Variants in CDK12 observed in about 807,000 individuals in gnomAD.
CDK12 encodes cyclin dependent kinase 12.
In CDK12, 17 loss-of-function variants were observed where a neutral mutation model predicts 133.8. The observed-to-expected ratio is 0.13, with a 90% CI of 0.09 to 0.19. CDK12 has a LOEUF of 0.19. CDK12 is among the 10% of genes least tolerant of loss of function. The pLI, the probability that CDK12 is intolerant of heterozygous loss-of-function variation, is 1.00. For missense variants in CDK12, 1,508 were observed against 1,818.7 expected (o/e 0.83, Z 3.11); for synonymous variants, 694 against 683.6 (o/e 1.02, Z -0.24).
chr17:39,465,663 G>GT (rs1246666178), intron 1 of CDK12, among the ~76,000 whole-genome samples: 4 of 151,838 alleles, frequency 2.6e-5, no homozygotes, highest in East Asian at 1.9e-4. Flanking sequence ...TAATTTTTGT[G>GT]TTTTTTTAGT....
At chr17:39,562,129 G>A (rs1333380397) in intron 3 of CDK12, among the ~76,000 whole-genome samples, 2 of 152,024 alleles carry the variant, frequency 1.3e-5, no homozygotes, top group African/African-American at 2.4e-5. Context: ...TAGTAGAGAC[G>A]GGGTTTCACC....
At chr17:39,497,427 T>C (rs1338992116) in intron 5 of CDK12, among the ~76,000 whole-genome samples, 1 of 151,594 alleles carries the variant, frequency 6.6e-6, no homozygotes, top group Admixed American at 6.6e-5. Flanking sequence ...CTTTTAATCC[T>C]GGCTACTGGG....
chr17:39,553,503 G>T (rs1567817550), intron 2 of CDK12, among the ~76,000 whole-genome samples: 2 of 152,138 alleles, frequency 1.3e-5, no homozygotes, highest in African/African-American at 4.8e-5. Context: ...ATGCCGACAG[G>T]GCTGTTTGCC....
At chr17:39,476,099 A>G (rs1003772742) in intron 2 of CDK12, among the ~76,000 whole-genome samples, 18 of 151,682 alleles carry the variant, frequency 1.2e-4, no homozygotes, top group African/African-American at 4.4e-4. Flanking sequence ...AATGTTTAGG[A>G]AACAAAAAGC....
At chr17:39,478,484 G>A (rs1463686308) in intron 2 of CDK12, among the ~76,000 whole-genome samples, 1 of 151,910 alleles carries the variant, frequency 6.6e-6, no homozygotes, top group South Asian at 2.1e-4. Context: ...ATGAGCCAAC[G>A]TGCCCAGCCC....
chr17:39,547,129 ATTTTTT>A (rs34569985), upstream of CDK12, among the ~76,000 whole-genome samples: 479 of 90,618 alleles, frequency 5.3e-3, 6 homozygotes, highest in African/African-American at 0.02. Context: ...GAGTACTAGG[ATTTTTT>A]TTTTTTTTTT....
chr17:39,547,129 ATTTTTTTTT>A (rs34569985), upstream of CDK12, among the ~76,000 whole-genome samples: 1 of 90,610 alleles, frequency 1.1e-5, no homozygotes, highest in Non-Finnish European at 2.1e-5. Flanking sequence ...GAGTACTAGG[ATTTTTTTTT>A]TTTTTTTTTT....
intron 2 of CDK12, chr17:39,551,217 A>C (rs879657826): frequency 2.0e-5 from 3 of 152,166 alleles, no homozygotes; most frequent in Non-Finnish European, 2.9e-5. Flanking sequence ...TTGAAGTCTC[A>C]AGTTTCTATC....
intron 2 of CDK12, 125 bp from the exon 3 acceptor site, chr17:39,490,432 C>G (rs2051496779): frequency 1.7e-6 from 1 of 588,594 alleles, no homozygotes; most frequent in South Asian, 2.7e-5. Flanking sequence ...TGTTATAGTA[C>G]AGGTTTTTTT....
downstream of CDK12, among the ~76,000 whole-genome samples, chr17:39,565,944 A>G (rs944801772): frequency 1.3e-5 from 2 of 152,134 alleles, no homozygotes; most frequent in African/African-American, 4.8e-5. Context: ...ACAATAACCA[A>G]AAAATGAGCA....
chr17:39,545,111 G>A (rs1203763088), upstream of CDK12, among the ~76,000 whole-genome samples: 2 of 152,268 alleles, frequency 1.3e-5, no homozygotes, highest in South Asian at 2.1e-4. Context: ...CTGTGCTAAT[G>A]GATGTTCCTC....
At chr17:39,477,121 A>G (rs1213094171) in intron 2 of CDK12, among the ~76,000 whole-genome samples, 8 of 151,264 alleles carry the variant, frequency 5.3e-5, no homozygotes, top group Non-Finnish European at 1.0e-4. Flanking sequence ...CCAGGGTTCA[A>G]GCGATTCTCC....
At chr17:39,515,517 A>G (rs1180171819) in intron 8 of CDK12, among the ~76,000 whole-genome samples, 2 of 152,224 alleles carry the variant, frequency 1.3e-5, no homozygotes, top group African/African-American at 4.8e-5. Flanking sequence ...TGTCCTTAAT[A>G]GGTGGCAAAA....
intron 2 of CDK12, among the ~76,000 whole-genome samples, chr17:39,484,828 G>C (rs543047315): frequency 1.1e-4 from 17 of 152,168 alleles, no homozygotes; most frequent in African/African-American, 3.9e-4. Context: ...CATTGAATAT[G>C]CTCATCCAGT....
chr17:39,558,065 A>T (rs1195509691), intron 3 of CDK12, among the ~76,000 whole-genome samples: 1 of 152,214 alleles, frequency 6.6e-6, no homozygotes, highest in Non-Finnish European at 1.5e-5. Flanking sequence ...TACTACTTTT[A>T]TGAAGTTAGC....
chr17:39,548,898 C>A, upstream of CDK12: 1 of 152,624 alleles, frequency 6.6e-6, no homozygotes. Flanking sequence ...CTTCCTACCC[C>A]CATGCCTGAG....
intron 9 of CDK12, among the ~76,000 whole-genome samples, chr17:39,517,126 T>C (rs1399180112): frequency 6.6e-6 from 1 of 152,194 alleles, no homozygotes; most frequent in Non-Finnish European, 1.5e-5. Context: ...TAATTACTAC[T>C]AACTGAACAG....
Position 39,471,624 on chromosome 17 carries a change from C to G in CDK12, c.1792C>G (p.Gln598Glu), listed in dbSNP as rs2049803106. 2 of 1,614,184 alleles carry G rather than the reference C, an allele frequency of 1.2e-6. No individual in the cohort carries two copies. The change falls in exon 2 of 14, where the codon CAG becomes GAG. Residue 598 changes from glutamine (Q) to glutamate (E), a missense_variant. By Grantham distance (29) the Gln-to-Glu change is conservative (BLOSUM62 2). Transcript: ENST00000447079. The stretch of plus-strand genomic sequence containing the variant: ...CTCAAAGACATCTGCTGTGTCCTCT[C>G]AGGCAAATTCTCAGCCCCCTGTACA... The part of the protein sequence containing the change: ...THSKTSAVSS[Q>E]ANSQPPVQVS...
At chr17:39,485,169 C>CAA (rs564188686) in intron 2 of CDK12, among the ~76,000 whole-genome samples, 5,846 of 74,832 alleles carry the variant, frequency 0.078, 165 homozygotes, top group Non-Finnish European at 0.11. Context: ...GACTCTGTCT[C>CAA]AAAAAAAAAA....
Sources: allele counts gnomAD v4.1 joint callset (sites outside exome capture counted in the v4.1 genomes callset), GRCh38; gene constraint gnomAD v4.1.1; transcripts MANE v1.5; gene names NCBI Gene and HGNC (gene_info 2026-07-23, HGNC 2026-07-21).